Variants in NPIPB7 observed in about 807,000 individuals in gnomAD.
NPIPB7 encodes nuclear pore complex-interacting protein family member B7.
For synonymous variants in NPIPB7, 9 were observed against 88.1 expected (o/e 0.10, Z 5.03); for missense variants, 14 against 238.5 (o/e 0.06, Z 6.20).
chr16:28,468,903 G>T (rs1309307664), intron 1 of NPIPB7, among the ~76,000 whole-genome samples: 9 of 112,686 alleles, frequency 8.0e-5, no homozygotes, highest in South Asian at 2.8e-4. Context: ...ATTAATTCCA[G>T]TAGACTCTTA....
At chr16:28,463,432 C>CACAA (rs2045884165) in intron 2 of NPIPB7, among the ~76,000 whole-genome samples, 1 of 109,440 alleles carries the variant, frequency 9.1e-6, no homozygotes, top group Admixed American at 1.1e-4. Context: ...CACACACACA[C>CACAA]AAGAATGACA....
At chr16:28,470,749 C>T (rs1393046448), upstream of NPIPB7, among the ~76,000 whole-genome samples, 1 of 150,550 alleles carries the variant, frequency 6.6e-6, no homozygotes, top group Non-Finnish European at 1.5e-5. Context: ...GGGAAAGGAT[C>T]CGGTTCAAAT....
intron 4 of NPIPB7, among the ~76,000 whole-genome samples, chr16:28,461,940 T>C: frequency 7.9e-6 from 1 of 126,492 alleles, no homozygotes. Context: ...AGAGTGAGAC[T>C]CTGTCTCAAA....
exon 7 of NPIPB7, chr16:28,456,975 G>A (rs1323880867): frequency 7.3e-7 from 1 of 1,364,560 alleles, no homozygotes; most frequent in Non-Finnish European, 1.0e-6. Context: ...GTGAGGTAGA[G>A]CCAGTAGGGC....
At chr16:28,470,584 G>A, upstream of NPIPB7, 2 of 70,216 alleles carry the variant, frequency 2.8e-5, no homozygotes, top group Admixed American at 1.4e-4. Flanking sequence ...AGGGGGAGGG[G>A]AAGGGGAGGG....
upstream of NPIPB7, among the ~76,000 whole-genome samples, chr16:28,472,016 C>A (rs1250363705): frequency 6.6e-6 from 1 of 151,888 alleles, no homozygotes; most frequent in Non-Finnish European, 1.5e-5. Flanking sequence ...AGCAACAGAG[C>A]GAGACTCCGT....
upstream of NPIPB7, among the ~76,000 whole-genome samples, chr16:28,470,892 C>T (rs2045946060): frequency 8.6e-6 from 1 of 116,348 alleles, no homozygotes; most frequent in Non-Finnish European, 1.8e-5. Context: ...CTGCTATCCG[C>T]CAAACCTTCT....
In NPIPB7 at chr16:28,461,977, G is replaced by A. The variant is rs1319066669; in HGVS notation, c.545+697C>T. On this transcript the variant is annotated intron_variant, in intron 4 of 6. Coordinates refer to ENST00000452313, the Ensembl canonical transcript of NPIPB7. ...AAAAAAAAAAAAAAAAAAATTGGCC[G>A]AATGTGGTGGCACACACCTGTAATC... Among the ~76,000 whole-genome samples the A allele has an allele frequency of 4.5e-4, 66 of 145,166 alleles. No homozygotes were observed. In the East Asian group the frequency reaches 8.8e-3, roughly 19 times the overall value.
intron 4 of NPIPB7, among the ~76,000 whole-genome samples, chr16:28,459,286 G>A (rs1413655047): frequency 2.0e-5 from 2 of 98,208 alleles, no homozygotes; most frequent in Non-Finnish European, 2.2e-5. Context: ...TTTGAAGGAT[G>A]TGGTTGATCC....
chr16:28,470,718 A>T (rs2045944222), upstream of NPIPB7, among the ~76,000 whole-genome samples: 1 of 150,730 alleles, frequency 6.6e-6, no homozygotes, highest in Non-Finnish European at 1.5e-5. Context: ...GAGGTGGAGG[A>T]GGAGAAGAAG....
upstream of NPIPB7, chr16:28,470,625 A>G (rs1296977971): frequency 3.7e-3 from 25 of 6,848 alleles, no homozygotes; most frequent in South Asian, 5.8e-3. Context: ...GGGGAAGGGG[A>G]GGGGAGGGGG....
rs61577784 is a variant in NPIPB7 at position 28,463,655 on chromosome 16, A to C, written c.250-574T>G. Among the ~76,000 whole-genome samples the C allele has an allele frequency of 3.1e-4, 28 of 89,918 alleles. 1 individual carries two copies. Among genetic ancestry groups the C allele is most frequent in the Non-Finnish European group, 5.6e-4 (23 of 41,360 alleles). The allele number at this position is 89,918 out of a possible 152,430, so 59.0% of individuals were successfully genotyped here. A position where few individuals can be genotyped will look rare whatever the true frequency, so the allele number is the denominator to read the frequency against. ...GCAGGAGAATCACTTGAACCCAGCA[A>C]GAAAAGGTTGTGGTGAGCTGAGATT... On this transcript the variant is annotated intron_variant, in intron 2 of 6. Transcript: ENST00000452313.
chr16:28,470,333 G>A, intron 1 of NPIPB7, 40 bp downstream of exon 1: 6 of 1,514,588 alleles, frequency 4.0e-6, no homozygotes, highest in South Asian at 1.2e-5. Context: ...ACACAGCCCA[G>A]TAAAAAGGAA....
upstream of NPIPB7, among the ~76,000 whole-genome samples, chr16:28,470,789 G>C (rs543668760): frequency 6.2e-3 from 914 of 147,866 alleles, no homozygotes; most frequent in African/African-American, 0.019. Context: ...GGAAGGTTTA[G>C]CTACAGGTCA....
chr16:28,471,996 C>G (rs1487427240), upstream of NPIPB7, among the ~76,000 whole-genome samples: 2 of 152,070 alleles, frequency 1.3e-5, no homozygotes, highest in Admixed American at 6.6e-5. Flanking sequence ...TGCCACTGCA[C>G]TCCAGTCTGA....
At chr16:28,462,108 T>G (rs1308679617) in intron 4 of NPIPB7, among the ~76,000 whole-genome samples, 2 of 142,690 alleles carry the variant, frequency 1.4e-5, no homozygotes, top group Admixed American at 7.0e-5. Flanking sequence ...CAGAGCGAGA[T>G]TCTATCTCAA....
chr16:28,462,619 TA>T (rs2045879107), intron 4 of NPIPB7, 54 bp downstream of exon 4: 1 of 188,596 alleles, frequency 5.3e-6, no homozygotes, highest in Non-Finnish European at 1.1e-5. Flanking sequence ...TACAGTTGTC[TA>T]CTTTGATTGG....
chr16:28,469,600 A>AAATAAATAAATAAAAT (rs2045927865), intron 1 of NPIPB7: 1 of 203,646 alleles, frequency 4.9e-6, no homozygotes, highest in African/African-American at 2.8e-5. Flanking sequence ...CTGTCTCAAA[A>AAATAAATAAATAAAAT]AAATAAATAA....
chr16:28,461,555 G>A (rs1386981159), intron 4 of NPIPB7, among the ~76,000 whole-genome samples: 1 of 142,772 alleles, frequency 7.0e-6, no homozygotes, highest in Admixed American at 7.0e-5. Flanking sequence ...TCCAGGCTGG[G>A]TGCGGTGGCT....
Sources: gnomAD v4.1 joint callset for allele counts (sites outside exome capture counted in the v4.1 genomes callset) on GRCh38, gnomAD v4.1.1 for gene constraint, MANE v1.5 for transcripts, NCBI Gene and HGNC (gene_info 2026-07-23, HGNC 2026-07-21) for gene names.